The following NCR3LG1 variants were observed in gnomAD, a reference collection of about 807,000 sequenced individuals.
The protein encoded by NCR3LG1 is natural cytotoxicity triggering receptor 3 ligand 1.
In NCR3LG1, 35 loss-of-function variants were observed where a neutral mutation model predicts 34.8. That is an observed-to-expected ratio of 1.01 (90% CI 0.77 to 1.33). The LOEUF is 1.33. NCR3LG1 is among the 40% of genes most tolerant of loss of function. The pLI is 0.00. For missense variants in NCR3LG1, 452 were observed against 423.3 expected, an observed-to-expected ratio of 1.07 and a Z score of -0.60; for synonymous variants, 173 against 163.6, an observed-to-expected ratio of 1.06 and a Z score of -0.44.
chr11:17,364,489 G>A (rs528907858), intron 2 of NCR3LG1, among the ~76,000 whole-genome samples: 21 of 150,296 alleles, frequency 1.4e-4, no homozygotes, highest in South Asian at 2.1e-4. Context: ...CCACCACACC[G>A]TGCCCAGTTT....
intron 1 of NCR3LG1, among the ~76,000 whole-genome samples, chr11:17,354,545 C>CTTTTTTTTTTT (rs71047545): frequency 4.6e-4 from 32 of 70,324 alleles, no homozygotes; most frequent in Non-Finnish European, 8.5e-4. Flanking sequence ...AATTCTTCTT[C>CTTTTTTTTTTT]TTTTTTTTTT....
chr11:17,371,881 A>T (rs1424803097), intron 4 of NCR3LG1, 125 bp from the exon 5 acceptor site: 2 of 606,856 alleles, frequency 3.3e-6, no homozygotes, highest in African/African-American at 3.7e-5. Flanking sequence ...AATGGTCACC[A>T]GGAACCTGAG....
rs1289229340 is a variant in NCR3LG1 at position 17,373,824 on chromosome 11, G to T, written c.*1312G>T. On this transcript the variant is annotated 3_prime_UTR_variant, in exon 5 of 5. Transcript: ENST00000338965. ...ATAGAGATATTCCAGCACGTATGGG[G>T]GCCACCATCCTTATGGCTCCAGGAC... 6.6e-6 allele frequency: 1 copy of T among 151,812 alleles called. No individual in the cohort carries two copies. 9.4% of individuals were successfully genotyped at this position (151,812 alleles called of 1,614,324 possible).
chr11:17,363,660 G>A (rs1564857010), intron 2 of NCR3LG1, among the ~76,000 whole-genome samples: 2 of 151,070 alleles, frequency 1.3e-5, no homozygotes, highest in South Asian at 2.1e-4. Context: ...GTATGATCAC[G>A]GCTCATTGCA....
intron 3 of NCR3LG1, among the ~76,000 whole-genome samples, chr11:17,367,959 C>T (rs1953365352): frequency 6.6e-6 from 1 of 152,066 alleles, no homozygotes; most frequent in Admixed American, 6.6e-5. Context: ...GCTGGGACTA[C>T]AGGCATGCAC....
downstream of NCR3LG1, among the ~76,000 whole-genome samples, chr11:17,379,934 A>G (rs1250893233): frequency 6.6e-6 from 1 of 152,066 alleles, no homozygotes; most frequent in Non-Finnish European, 1.5e-5. Context: ...CAGTCAGCTG[A>G]TGGGCTCCAG....
chr11:17,364,411 C>A (rs543125825), intron 2 of NCR3LG1, among the ~76,000 whole-genome samples: 6 of 152,054 alleles, frequency 3.9e-5, no homozygotes, highest in African/African-American at 1.4e-4. Context: ...ACAGGGTGGT[C>A]GCCAACTCCT....
In NCR3LG1 at chr11:17,367,080, T is replaced by A; in HGVS notation, c.493T>A (p.Ser165Thr). The A allele has an allele frequency of 6.5e-7, 1 of 1,535,952 alleles. No individual in the cohort carries two copies. The highest frequency in any genetic ancestry group is 8.7e-7 in the Non-Finnish European group (1 of 1,146,874). Residue 165 changes from serine (S) to threonine (T), a missense_variant, in exon 3 of 5, where the codon TCA (serine) becomes ACA (threonine). Physicochemically the swap from Ser to Thr is moderately conservative, Grantham distance 58 (BLOSUM62 1). Transcript: ENST00000338965. Reference sequence around the variant, plus strand: ...GAATGAAGACAAATATATGTGTGAGTCAAGTGGGTTCTACCCAGAGGCTAT... The same window carrying A: ...GAATGAAGACAAATATATGTGTGAGACAAGTGGGTTCTACCCAGAGGCTAT... ...KENEDKYMCE[S>T]SGFYPEAINI... is the part of the protein sequence containing the mutation.
downstream of NCR3LG1, among the ~76,000 whole-genome samples, chr11:17,378,261 TAGA>T (rs1564862232): frequency 6.6e-6 from 1 of 152,082 alleles, no homozygotes; most frequent in African/African-American, 2.4e-5. Flanking sequence ...TCTAGTCAAG[TAGA>T]AGAGAATGTA....
chr11:17,370,745 G>C (rs958248533), intron 4 of NCR3LG1, among the ~76,000 whole-genome samples: 5 of 152,150 alleles, frequency 3.3e-5, no homozygotes, highest in Non-Finnish European at 7.3e-5. Context: ...TCCAGCCCCC[G>C]ACAGCCCGTC....
intron 2 of NCR3LG1, among the ~76,000 whole-genome samples, chr11:17,366,450 A>C (rs2133357003): frequency 6.6e-6 from 1 of 152,262 alleles, no homozygotes; most frequent in South Asian, 2.1e-4. Context: ...ACATACCTGC[A>C]GTGGAGGTTG....
At position 17,372,145 on chromosome 11, in the gene NCR3LG1, ATGGGGAGGCT is replaced by A; in HGVS notation, c.1002_1011del (p.Glu335LeufsTer14). 1 of 703,004 alleles carries A rather than the reference ATGGGGAGGCT, an allele frequency of 1.4e-6. No homozygotes were observed. The highest frequency in any genetic ancestry group is 1.5e-5 in the South Asian group (1 of 67,600). The allele number at this position is 703,004 out of a possible 1,614,324, so 43.5% of individuals were successfully genotyped here. A position where few individuals can be genotyped will look rare whatever the true frequency, so the allele number is the denominator to read the frequency against. On this transcript the variant is annotated frameshift_variant, in exon 5 of 5. Coordinates refer to ENST00000338965, the MANE Select transcript of NCR3LG1 (RefSeq NM_001202439.3). LOFTEE classifies it high-confidence loss of function. Reference sequence around the variant, plus strand: ...GCATGGCCGTCTTACCAGCTGCAGGATGGGGAGGCTTGGCCTCCTGAGGGAAGTGTTAATA... The same window carrying A: ...GCATGGCCGTCTTACCAGCTGCAGGATGGCCTCCTGAGGGAAGTGTTAATA...
At chr11:17,370,357 C>T (rs1953392492) in intron 4 of NCR3LG1, among the ~76,000 whole-genome samples, 1 of 152,146 alleles carries the variant, frequency 6.6e-6, no homozygotes, top group African/African-American at 2.4e-5. Context: ...CATTGTGGTG[C>T]ATTGACGAGA....
intron 1 of NCR3LG1, among the ~76,000 whole-genome samples, chr11:17,354,545 C>CTTTTTTTTTTTTTTTTTTTTT (rs71047545): frequency 1.4e-5 from 1 of 70,294 alleles, no homozygotes; most frequent in African/African-American, 3.8e-5. Context: ...AATTCTTCTT[C>CTTTTTTTTTTTTTTTTTTTTT]TTTTTTTTTT....
chr11:17,361,710 TTTTTTG>T (rs534735483), intron 2 of NCR3LG1, among the ~76,000 whole-genome samples: 1,591 of 152,308 alleles, frequency 0.01, 25 homozygotes, highest in Middle Eastern at 0.037. Context: ...TTCTAGGGAT[TTTTTTG>T]TTTTTGTTTT....
chr11:17,357,565 A>G (rs1156796036), intron 2 of NCR3LG1, among the ~76,000 whole-genome samples: 3 of 152,128 alleles, frequency 2.0e-5, no homozygotes, highest in Non-Finnish European at 2.9e-5. Flanking sequence ...GTCCGTAGTA[A>G]TTTTGGGAGT....
At chr11:17,354,545 CTTTTTTTTTTTTTTTT>C (rs71047545) in intron 1 of NCR3LG1, among the ~76,000 whole-genome samples, 3 of 70,334 alleles carry the variant, frequency 4.3e-5, no homozygotes, top group East Asian at 1.0e-3. Context: ...AATTCTTCTT[CTTTTTTTTTTTTTTTT>C]TTTTTTTTTT....
intron 4 of NCR3LG1, among the ~76,000 whole-genome samples, chr11:17,371,522 CT>C (rs34724626): frequency 0.068 from 10,299 of 152,226 alleles, 586 homozygotes; most frequent in Non-Finnish European, 0.1. Context: ...TTTTTACATT[CT>C]TTTGAGGCAT....
downstream of NCR3LG1, chr11:17,381,181 T>G (rs1328674773): frequency 6.6e-6 from 1 of 152,200 alleles, no homozygotes; most frequent in Non-Finnish European, 1.5e-5. Flanking sequence ...TTACTCGTAC[T>G]TCTAACTCCA....
Sources: allele counts gnomAD v4.1 joint callset (sites outside exome capture counted in the v4.1 genomes callset), GRCh38; gene constraint gnomAD v4.1.1; transcripts MANE v1.5; gene names NCBI Gene and HGNC (gene_info 2026-07-23, HGNC 2026-07-21).